Variants in STAB2 observed in about 807,000 individuals in gnomAD.
STAB2 encodes the protein stabilin 2.
STAB2 carries 288 observed loss-of-function variants against 338.1 expected under a neutral mutation model. The ratio of observed to expected loss-of-function variants is 0.85; its 90% CI spans 0.77 to 0.94. The LOEUF (loss-of-function observed/expected upper bound fraction) is 0.94, where lower values mean the gene tolerates loss of function less well. Ranked by LOEUF, STAB2 falls within the 40% of genes least tolerant of loss-of-function variation. STAB2 has a pLI of 0.00. For missense variants in STAB2, 3,141 were observed against 3,210.1 expected (o/e 0.98, Z 0.52); for synonymous variants, 1,202 against 1,193.3 (o/e 1.01, Z -0.15).
At chr12:103,606,861 G>A (rs970570893) in intron 3 of STAB2, among the ~76,000 whole-genome samples, 2 of 152,166 alleles carry the variant, frequency 1.3e-5, no homozygotes, top group Admixed American at 6.5e-5. Context: ...GCACACACCT[G>A]TAGTCCCAGC....
chr12:103,749,697 G>A (rs11111745), intron 59 of STAB2, among the ~76,000 whole-genome samples: 37,523 of 150,198 alleles, frequency 0.25, 5,623 homozygotes, highest in East Asian at 0.49. Flanking sequence ...AAAATTAGCC[G>A]GGCATGGTGG....
At position 103,731,610 on chromosome 12, in the gene STAB2, A is replaced by G. The variant is rs755685208; in HGVS notation, c.5258A>G (p.Tyr1753Cys). The change falls in exon 50 of 69, where the codon TAC (tyrosine) becomes TGC (cysteine). Residue 1753 changes from tyrosine to cysteine, a missense_variant. Transcript: ENST00000388887. ...NLTTLATNNG[Y>C]IKFSNLIQDS... ...ACGACTTTGGCAACAAACAATGGCT[A>G]CATCAAATTTAGCAACTTAATACAG... is the stretch of plus-strand genomic sequence containing the variant. 3 of 1,613,820 alleles carry G rather than the reference A, an allele frequency of 1.9e-6. No homozygotes were observed. The highest frequency in any genetic ancestry group is 4.5e-5 in the East Asian group (2 of 44,892).
At chr12:103,746,347 T>C (rs1883031384) in intron 57 of STAB2, 2 of 349,822 alleles carry the variant, frequency 5.7e-6, no homozygotes, top group Non-Finnish European at 5.3e-6. Flanking sequence ...TGATAGCCCC[T>C]AAAGAACATT....
In STAB2 at chr12:103,637,952, G is replaced by A. The variant is rs867278043; in HGVS notation, c.710-64G>A. 4.7e-5 allele frequency: 72 copies of A among 1,521,364 alleles called. No individual in the cohort carries two copies. The Middle Eastern group carries it at 8.7e-4, about 18-fold the overall frequency. The allele number at this position is 1,521,364 out of a possible 1,614,324, so 94.2% of individuals were successfully genotyped here. A position where few individuals can be genotyped will look rare whatever the true frequency, so the allele number is the denominator to read the frequency against. Reference sequence around the variant, plus strand: ...GAGGTTTTGATCCACTGTTGCTCACGGTTCAGTTTTCCTTCTCCATCCCCG... The same window carrying A: ...GAGGTTTTGATCCACTGTTGCTCACAGTTCAGTTTTCCTTCTCCATCCCCG... On this transcript the variant is annotated intron_variant, in intron 7 of 68. Transcript: ENST00000388887.
At chr12:103,614,319 T>A (rs1358799850) in intron 3 of STAB2, among the ~76,000 whole-genome samples, 5 of 152,190 alleles carry the variant, frequency 3.3e-5, no homozygotes, top group Non-Finnish European at 7.3e-5. Flanking sequence ...TTTGAGAATT[T>A]TAAGAAGAAA....
In STAB2 at chr12:103,755,358, C is replaced by T. The variant is rs759139043; in HGVS notation, c.6771C>T (p.Pro2257=). ...TGGAGACCGGGCGGGTTGCCTACCCCACAGCCTTCGCCTCCCAGAACTGTG... is the reference window on the plus strand; with the variant it reads ...TGGAGACCGGGCGGGTTGCCTACCCTACAGCCTTCGCCTCCCAGAACTGTG... ...GWLETGRVAY[P]TAFASQNCGS... The change falls in exon 62 of 69, where the codon CCC becomes CCT. Residue 2257 remains proline (P), a synonymous_variant. Transcript: ENST00000388887. 1 of 1,614,190 alleles carries T rather than the reference C, an allele frequency of 6.2e-7. No homozygotes were observed. The highest frequency in any genetic ancestry group is 2.2e-5 in the East Asian group (1 of 44,874).
chr12:103,673,498 A>G (rs1056175808), intron 22 of STAB2, among the ~76,000 whole-genome samples: 2 of 151,868 alleles, frequency 1.3e-5, no homozygotes, highest in South Asian at 2.1e-4. Flanking sequence ...ACAAGCACAC[A>G]CCATCATGCC....
chr12:103,681,613 C>CTTT lies in STAB2; in HGVS notation c.2806-1567_2806-1565dup, dbSNP rs907234037. On this transcript the variant is annotated intron_variant, in intron 25 of 68. Coordinates refer to ENST00000388887, the MANE Select transcript of STAB2 (RefSeq NM_017564.10). ...GTATCTGTCTCCAAATTCCCCCCTACTTTTTTTTTTTTTTTTTTTTTTTTT... is the reference window on the plus strand; with the variant it reads ...GTATCTGTCTCCAAATTCCCCCCTACTTTTTTTTTTTTTTTTTTTTTTTTTTTT... Among the ~76,000 whole-genome samples, 49 of 92,948 alleles carry CTTT rather than the reference C, an allele frequency of 5.3e-4. 3 individuals carry two copies. Among genetic ancestry groups the CTTT allele is most frequent in the African/African-American group, 1.1e-3 (25 of 22,044 alleles). The allele number at this position is 92,948 out of a possible 152,430, so 61.0% of individuals were successfully genotyped here.
At chr12:103,637,285 T>C in intron 7 of STAB2, 49 bp downstream of exon 7, 1 of 1,573,102 alleles carries the variant, frequency 6.4e-7, no homozygotes. Context: ...ATGTTTAGGT[T>C]ATTTAACAGG....
intron 3 of STAB2, among the ~76,000 whole-genome samples, chr12:103,616,441 G>A (rs546932387): frequency 6.6e-6 from 1 of 152,376 alleles, no homozygotes; most frequent in East Asian, 1.9e-4. Context: ...TGGCTGCATG[G>A]AAAGAGTGCA....
intron 3 of STAB2, among the ~76,000 whole-genome samples, chr12:103,618,218 T>C (rs531637427): frequency 4.3e-4 from 66 of 152,286 alleles, no homozygotes; most frequent in African/African-American, 1.5e-3. Context: ...TGGGAGGTGA[T>C]TAGGTCCTAA....
intron 6 of STAB2, among the ~76,000 whole-genome samples, chr12:103,636,099 A>C (rs541623783): frequency 1.3e-5 from 2 of 152,090 alleles, no homozygotes; most frequent in African/African-American, 4.8e-5. Flanking sequence ...CACAACGTGC[A>C]GGTTTGTTAC....
At chr12:103,725,822 A>AT (rs908775678) in intron 45 of STAB2, among the ~76,000 whole-genome samples, 10 of 152,260 alleles carry the variant, frequency 6.6e-5, no homozygotes, top group South Asian at 2.1e-4. Context: ...CCTATAACTG[A>AT]TTTTTTTTAA....
At chr12:103,628,401 A>G (rs1018033) in intron 5 of STAB2, among the ~76,000 whole-genome samples, 70,215 of 152,050 alleles carry the variant, frequency 0.46, 16,581 homozygotes, top group South Asian at 0.64. Context: ...GAGGCATCAA[A>G]AAAACTCAGT....
chr12:103,734,692 G>A (rs986795776), intron 51 of STAB2, among the ~76,000 whole-genome samples: 1 of 152,328 alleles, frequency 6.6e-6, no homozygotes, highest in Non-Finnish European at 1.5e-5. Context: ...TCCCAGGGCT[G>A]CCATCACAAA....
rs763078125 is a variant in STAB2, at chr12:103,742,566, C to T, written c.6031+12C>T. 3.2e-5 allele frequency: 52 copies of T among 1,613,940 alleles called. No homozygotes were observed. The Middle Eastern group carries it at 8.2e-4, about 26-fold the overall frequency. ...GCCTGATTGTCTGCGTATGTGGCGC[C>T]GCTTCTCCGTGCTAGAGCTTGTTTT... On this transcript the variant is annotated intron_variant, in intron 56 of 68. Coordinates refer to ENST00000388887, the MANE Select transcript of STAB2 (RefSeq NM_017564.10).
intron 58 of STAB2, among the ~76,000 whole-genome samples, chr12:103,747,668 C>A: frequency 6.6e-6 from 1 of 152,126 alleles, no homozygotes; most frequent in East Asian, 1.9e-4. Context: ...ATTGGGCAAC[C>A]ATGAACCCAC....
intron 3 of STAB2, among the ~76,000 whole-genome samples, chr12:103,611,175 G>A (rs1957116066): frequency 6.6e-6 from 1 of 152,184 alleles, no homozygotes; most frequent in African/African-American, 2.4e-5. Flanking sequence ...TTGATTTGGG[G>A]TGGAGAGTTC....
At chr12:103,731,340 T>G (rs995470036) in intron 49 of STAB2, among the ~76,000 whole-genome samples, 1 of 152,066 alleles carries the variant, frequency 6.6e-6, no homozygotes, top group Non-Finnish European at 1.5e-5. Flanking sequence ...TGGAGGACCT[T>G]ATATATCACA....
Sources: allele counts gnomAD v4.1 joint callset (sites outside exome capture counted in the v4.1 genomes callset), GRCh38; gene constraint gnomAD v4.1.1; transcripts MANE v1.5; gene names NCBI Gene and HGNC (gene_info 2026-07-23, HGNC 2026-07-21).